NRL: variants seen among roughly 807,000 people sequenced by gnomAD.
NRL encodes the protein neural retina-specific leucine zipper protein.
In NRL, 16 loss-of-function variants were observed where a neutral mutation model predicts 12.5. The ratio of observed to expected loss-of-function variants is 1.28; its 90% CI spans 0.87 to 1.95. The LOEUF (loss-of-function observed/expected upper bound fraction) is 1.95. NRL is among the 30% of genes most tolerant of loss of function. NRL has a pLI of 0.00. For synonymous variants in NRL, 142 were observed against 150.9 expected (o/e 0.94, Z 0.43); for missense variants, 314 against 325.8 (o/e 0.96, Z 0.28).
In NRL at chr14:24,094,581, C is replaced by T; in HGVS notation, c.-27-11706G>A. The stretch of plus-strand genomic sequence containing the variant: ...CAGGGGCGACTGCTGTGGGTCCAGC[C>T]TCCCGCGCCGCGCGTCTCTTGGGAG... On this transcript the variant is annotated intron_variant, in intron 1 of 2. Transcript: ENST00000561028. The surrounding 1 kb of genome is among the most constrained non-coding windows in gnomAD (Gnocchi z 4.1). The T allele has an allele frequency of 1.4e-6, 2 of 1,451,702 alleles. No homozygotes were observed. Among genetic ancestry groups the T allele is most frequent in the South Asian group, 1.4e-5 (1 of 69,830 alleles). The allele number at this position is 1,451,702 out of a possible 1,614,324, so 89.9% of individuals were successfully genotyped here.
intron 1 of NRL, among the ~76,000 whole-genome samples, chr14:24,101,424 A>G (rs1263085206): frequency 1.3e-5 from 2 of 152,012 alleles, no homozygotes; most frequent in African/African-American, 2.4e-5. Context: ...CACCATGTCC[A>G]CTCAGGGGCC....
At chr14:24,093,288 G>C (rs1001094305) in intron 1 of NRL, 1 of 152,306 alleles carries the variant, frequency 6.6e-6, no homozygotes. Context: ...AGGTTGGAGA[G>C]AGATGTCCCA....
rs2036315478 is a variant in NRL at position 24,081,747 on chromosome 14, TC to T, written c.382-180del. 1 of 1,519,344 alleles carries T rather than the reference TC, an allele frequency of 6.6e-7. No homozygotes were observed. Among genetic ancestry groups the T allele is most frequent in the Non-Finnish European group, 8.8e-7 (1 of 1,139,474 alleles). 94.1% of individuals were successfully genotyped at this position (1,519,344 alleles called of 1,614,324 possible). A position where few individuals can be genotyped will look rare whatever the true frequency, so the allele number is the denominator to read the frequency against. ...CAGAGCCCGCCCCAGGCCCCGACGC[TC>T]CCCGGGCCCCCCAGCTGACCGTTGC... On this transcript the variant is annotated intron_variant, in intron 2 of 2. Coordinates refer to ENST00000561028, the MANE Select transcript of NRL (RefSeq NM_001354768.3). The surrounding 1 kb of genome is among the most constrained non-coding windows in gnomAD (Gnocchi z 4.4).
In NRL at chr14:24,104,088, A is replaced by C. The variant is rs2037283727; in HGVS notation, c.-28+10634T>G. ...TTCAATGTGCCATAGACCTTCCCAC[A>C]AAGACTGTCCAATAATAAGAGATGC... On this transcript the variant is annotated intron_variant, in intron 1 of 2. Transcript: ENST00000561028. The C allele has an allele frequency of 6.0e-6, 4 of 661,396 alleles. No homozygotes were observed. In the African/African-American group the frequency reaches 7.3e-5, roughly 12 times the overall value. The allele number at this position is 661,396 out of a possible 1,614,324, so 41.0% of individuals were successfully genotyped here. A position where few individuals can be genotyped will look rare whatever the true frequency, so the allele number is the denominator to read the frequency against.
At chr14:24,098,183 G>C (rs779720532) in intron 1 of NRL, 1 of 1,575,498 alleles carries the variant, frequency 6.3e-7, no homozygotes, top group East Asian at 2.3e-5. Context: ...CCATCTTCCT[G>C]ACAATCCCCT....
In NRL at chr14:24,081,163, G is replaced by T; in HGVS notation, c.*73C>A. 1 of 1,110,668 alleles carries T rather than the reference G, an allele frequency of 9.0e-7. No homozygotes were observed. Among genetic ancestry groups the T allele is most frequent in the Non-Finnish European group, 1.2e-6 (1 of 842,916 alleles). The allele number at this position is 1,110,668 out of a possible 1,614,324, so 68.8% of individuals were successfully genotyped here. A position where few individuals can be genotyped will look rare whatever the true frequency, so the allele number is the denominator to read the frequency against. On this transcript the variant is annotated 3_prime_UTR_variant, in exon 3 of 3. Coordinates refer to ENST00000561028, the MANE Select transcript of NRL (RefSeq NM_001354768.3). The surrounding 1 kb of genome is among the most constrained non-coding windows in gnomAD (Gnocchi z 4.4). ...GAAGGCGCTCTGGTAACGATGCAGA[G>T]AACCGTGCAGCCGCCTCCTGGGCGG...
intron 1 of NRL, chr14:24,103,844 C>T (rs766254546): frequency 6.2e-7 from 1 of 1,614,148 alleles, no homozygotes; most frequent in South Asian, 1.1e-5. Flanking sequence ...TCCCCAAGGA[C>T]TTCTGGGAAC....
At chr14:24,092,667 C>T (rs772730894) in intron 1 of NRL, among the ~76,000 whole-genome samples, 5 of 152,182 alleles carry the variant, frequency 3.3e-5, no homozygotes, top group South Asian at 4.1e-4. Flanking sequence ...GGGGAAGAGA[C>T]GGGGACCAGT....
rs2036259433 is a variant in NRL, at chr14:24,080,876, C to A, written c.*360G>T. On this transcript the variant is annotated 3_prime_UTR_variant, in exon 3 of 3. Transcript: ENST00000561028. ...GCTTTAATGTGTTACAGGTTGAAAACCCTGAATTAAAAACTAAACTGAGGT... is the reference window on the plus strand; with the variant it reads ...GCTTTAATGTGTTACAGGTTGAAAAACCTGAATTAAAAACTAAACTGAGGT... 1 of 224,530 alleles carries A rather than the reference C, an allele frequency of 4.5e-6. No homozygotes were observed. The highest frequency in any genetic ancestry group is 8.7e-6 in the Non-Finnish European group (1 of 115,156). 13.9% of individuals were successfully genotyped at this position (224,530 alleles called of 1,614,324 possible). A position where few individuals can be genotyped will look rare whatever the true frequency, so the allele number is the denominator to read the frequency against.
chr14:24,103,480 G>A, intron 1 of NRL: 1 of 1,525,408 alleles, frequency 6.6e-7, no homozygotes, highest in Admixed American at 2.1e-5. Flanking sequence ...TGAGAAGGAA[G>A]ATTCCTTACC....
chr14:24,083,031 G>A (rs879576770), intron 1 of NRL, among the ~76,000 whole-genome samples, 156 bp from the exon 2 acceptor site: 7 of 152,214 alleles, frequency 4.6e-5, no homozygotes, highest in Non-Finnish European at 8.8e-5. Flanking sequence ...TCCCCACCAG[G>A]CTGAAGAGTA....
intron 1 of NRL, among the ~76,000 whole-genome samples, chr14:24,090,695 C>A (rs2036600330): frequency 6.6e-6 from 1 of 152,224 alleles, no homozygotes; most frequent in South Asian, 2.1e-4. Flanking sequence ...ATGCAGATCA[C>A]ACTCTGCCCC....
intron 1 of NRL, among the ~76,000 whole-genome samples, chr14:24,090,680 G>A (rs2036599847): frequency 1.3e-5 from 2 of 152,192 alleles, no homozygotes; most frequent in Non-Finnish European, 2.9e-5. Flanking sequence ...GCCCCAGAGA[G>A]GACAATGCAG....
intron 1 of NRL, 58 bp downstream of exon 1, chr14:24,114,664 C>A (rs1157870322): frequency 6.1e-6 from 6 of 985,254 alleles, no homozygotes; most frequent in Non-Finnish European, 7.2e-6. Context: ...AGCTAACAGC[C>A]CTCCTTGGGT....
chr14:24,086,082 T>A (rs1301943853), intron 1 of NRL, among the ~76,000 whole-genome samples: 1 of 152,124 alleles, frequency 6.6e-6, no homozygotes, highest in Non-Finnish European at 1.5e-5. Flanking sequence ...CTGGGCATAG[T>A]GGCAGGCACC....
chr14:24,104,640 C>CA (rs375795839), intron 1 of NRL, among the ~76,000 whole-genome samples: 1,973 of 105,784 alleles, frequency 0.019, 13 homozygotes, highest in Non-Finnish European at 0.023. Flanking sequence ...AACTCCGTCA[C>CA]AAAAAAAAAA....
intron 1 of NRL, among the ~76,000 whole-genome samples, chr14:24,084,999 C>A (rs897362769): frequency 1.3e-5 from 2 of 152,206 alleles, no homozygotes; most frequent in African/African-American, 4.8e-5. Flanking sequence ...CCTTCCAAGG[C>A]CCTGCAGCCC....
rs753742040 is a variant in NRL at position 24,082,482 on chromosome 14, C to G, written c.367G>C (p.Ala123Pro). 6.2e-7 allele frequency: 1 copy of G among 1,612,720 alleles called. No homozygotes were observed. Among genetic ancestry groups the G allele is most frequent in the South Asian group, 1.1e-5 (1 of 91,064 alleles). ...YYPGSPEETGAQHVQLAERFS... is the reference protein window; with the variant it reads ...YYPGSPEETGPQHVQLAERFS... ...TGACCACTCACCTGGACGTGCTGGG[C>G]TCCTGTCTCCTCTGGGCTCCCTGGG... is the stretch of plus-strand genomic sequence containing the variant. The change falls in exon 2 of 3, where the codon GCC becomes CCC. Residue 123 changes from alanine (A) to proline (P), a missense_variant. Ala to Pro is a conservative substitution (Grantham distance 27). Transcript: ENST00000561028.
chr14:24,096,228 C>CTTTTTTTTT (rs34592767), intron 1 of NRL, among the ~76,000 whole-genome samples: 2 of 58,848 alleles, frequency 3.4e-5, no homozygotes, highest in Non-Finnish European at 5.7e-5. Context: ...CTACTCATTT[C>CTTTTTTTTT]TTTTTTTTTT....
Sources: gnomAD v4.1 joint callset for allele counts (sites outside exome capture counted in the v4.1 genomes callset) on GRCh38, gnomAD v4.1.1 for gene constraint, Gnocchi (gnomAD v3.1) non-coding constraint, MANE v1.5 for transcripts, NCBI Gene and HGNC (gene_info 2026-07-23, HGNC 2026-07-21) for gene names.